The following GAL3ST2 variants were observed in gnomAD, a reference collection of about 807,000 sequenced individuals.
GAL3ST2 encodes beta-galactose-3-O-sulfotransferase 2.
In GAL3ST2, 16 loss-of-function variants were observed where a neutral mutation model predicts 12.9. The observed-to-expected ratio is 1.24, with a 90% CI of 0.84 to 1.88. GAL3ST2 has a LOEUF of 1.88. Ranked by LOEUF, GAL3ST2 falls within the 40% of genes most tolerant of loss-of-function variation. The probability of loss-of-function intolerance (pLI) is 0.00; values close to 1 mark genes in which losing one functional copy is unlikely to be tolerated. For missense variants in GAL3ST2, 639 were observed against 571.8 expected (o/e 1.12, Z -1.20); for synonymous variants, 302 against 273.9 (o/e 1.10, Z -1.01).
intron 1 of GAL3ST2, among the ~76,000 whole-genome samples, chr2:241,778,284 C>T (rs561880147): frequency 5.3e-5 from 8 of 152,320 alleles, no homozygotes; most frequent in South Asian, 4.1e-4. Flanking sequence ...ACAAAGGGGA[C>T]GGTAGTGTGT....
chr2:241,777,801 G>A lies in GAL3ST2; in HGVS notation c.29+817G>A, dbSNP rs1575359667. On this transcript the variant is annotated intron_variant, in intron 1 of 3. Coordinates refer to ENST00000192314, the MANE Select transcript of GAL3ST2 (RefSeq NM_022134.3). ...CCTGTGGACATTGTGACCATATTGT[G>A]AAGAAGAGGCCCAGGGGCTGGGGAA... Among the ~76,000 whole-genome samples the A allele has an allele frequency of 3.3e-5, 5 of 152,224 alleles. No homozygotes were observed. In the Middle Eastern group the frequency reaches 0.014, roughly 414 times the overall value.
At chr2:241,782,448 C>G (rs2125189476) in intron 1 of GAL3ST2, among the ~76,000 whole-genome samples, 1 of 152,234 alleles carries the variant, frequency 6.6e-6, no homozygotes, top group African/African-American at 2.4e-5. Flanking sequence ...GCATCAGCCT[C>G]CGGAGTAGCT....
In GAL3ST2 at chr2:241,801,716, C is replaced by A; in HGVS notation, c.120-65C>A. ...TCCTTGCGGTTGCCGGGCTGGGGGT[C>A]GCTGTTGGGCGGGGGTTGGGGCATC... On this transcript the variant is annotated intron_variant, in intron 2 of 3. Coordinates refer to ENST00000192314, the MANE Select transcript of GAL3ST2 (RefSeq NM_022134.3). This position sits in a 1 kb window ranked among gnomAD's most constrained non-coding sequence, Gnocchi z 4.4. The A allele has an allele frequency of 6.5e-7, 1 of 1,545,206 alleles. No homozygotes were observed. Among genetic ancestry groups the A allele is most frequent in the South Asian group, 1.2e-5 (1 of 82,304 alleles).
In GAL3ST2 at chr2:241,803,261, T is replaced by C. The variant is rs567996566; in HGVS notation, c.376-84T>C. 8.1e-6 allele frequency: 9 copies of C among 1,108,300 alleles called. No homozygotes were observed. In the East Asian group the frequency reaches 1.8e-4, roughly 22 times the overall value. 68.7% of individuals were successfully genotyped at this position (1,108,300 alleles called of 1,614,324 possible). On this transcript the variant is annotated intron_variant, in intron 3 of 3. Coordinates refer to ENST00000192314, the MANE Select transcript of GAL3ST2 (RefSeq NM_022134.3). ...GATGGGGGTGCTCCTTGAGCGGGTG[T>C]GGCCAGGGCGCGCCTCCTCCCCGCG...
At chr2:241,794,236 C>G (rs905026256) in intron 1 of GAL3ST2, among the ~76,000 whole-genome samples, 2 of 152,172 alleles carry the variant, frequency 1.3e-5, no homozygotes, top group African/African-American at 4.8e-5. Flanking sequence ...GTGTGAGCCA[C>G]CACACCTGGC....
At chr2:241,785,882 C>T (rs939135243) in intron 1 of GAL3ST2, among the ~76,000 whole-genome samples, 5 of 151,996 alleles carry the variant, frequency 3.3e-5, no homozygotes, top group African/African-American at 1.2e-4. Context: ...ACACACATCC[C>T]TTGGATGTTA....
chr2:241,786,562 C>T (rs892956289), intron 1 of GAL3ST2, among the ~76,000 whole-genome samples: 1 of 152,150 alleles, frequency 6.6e-6, no homozygotes, highest in African/African-American at 2.4e-5. Context: ...TGCCTTCCAT[C>T]GTCATGGAAG....
chr2:241,779,260 G>A, intron 1 of GAL3ST2, among the ~76,000 whole-genome samples: 1 of 105,558 alleles, frequency 9.5e-6, no homozygotes, highest in East Asian at 3.2e-4. Context: ...TTGAGACGGA[G>A]TCTCGCTCTC....
chr2:241,792,749 G>C (rs1283220705), intron 1 of GAL3ST2, among the ~76,000 whole-genome samples: 1 of 152,094 alleles, frequency 6.6e-6, no homozygotes, highest in Admixed American at 6.5e-5. Flanking sequence ...GAAAACGGGG[G>C]GAAATGTGAA....
chr2:241,803,589 A>G lies in GAL3ST2; in HGVS notation c.620A>G (p.Glu207Gly), dbSNP rs1219321974. ...FGFDPNAQCE[E>G]GYVRARIAEV... is the part of the protein sequence containing the mutation. ...TTCGACCCCAACGCGCAGTGCGAGG[A>G]GGGCTACGTGCGCGCGCGCATCGCC... Residue 207 changes from glutamate (E) to glycine (G), a missense_variant, in exon 4 of 4, where the codon GAG becomes GGG. Glu to Gly is a moderately conservative substitution (Grantham distance 98). Coordinates refer to ENST00000192314, the MANE Select transcript of GAL3ST2 (RefSeq NM_022134.3). The G allele has an allele frequency of 1.9e-6, 3 of 1,582,766 alleles. No homozygotes were observed. Among genetic ancestry groups the G allele is most frequent in the South Asian group, 1.1e-5 (1 of 87,738 alleles).
chr2:241,781,275 G>A (rs113308292), intron 1 of GAL3ST2, among the ~76,000 whole-genome samples: 44 of 152,170 alleles, frequency 2.9e-4, no homozygotes, highest in African/African-American at 1.0e-3. Flanking sequence ...GATTACTTTA[G>A]TCTTCTGTCA....
intron 1 of GAL3ST2, among the ~76,000 whole-genome samples, chr2:241,787,540 C>CT (rs1553615866): frequency 0.024 from 3,220 of 136,228 alleles, 108 homozygotes; most frequent in African/African-American, 0.07. Context: ...ACTTCTCCTC[C>CT]TTTTTTTTTT....
intron 1 of GAL3ST2, among the ~76,000 whole-genome samples, chr2:241,797,554 C>T (rs1699787457): frequency 6.6e-6 from 1 of 151,286 alleles, no homozygotes; most frequent in Non-Finnish European, 1.5e-5. Context: ...TGCTCAGGAA[C>T]TCTTCCTGGG....
intron 1 of GAL3ST2, among the ~76,000 whole-genome samples, chr2:241,787,115 T>C (rs1410261426): frequency 6.6e-6 from 1 of 152,184 alleles, no homozygotes; most frequent in Non-Finnish European, 1.5e-5. Context: ...AGTTGTCCCA[T>C]TTTGCTTCTA....
chr2:241,797,581 C>T (rs1699787872), intron 1 of GAL3ST2, among the ~76,000 whole-genome samples: 2 of 150,726 alleles, frequency 1.3e-5, no homozygotes, highest in Admixed American at 6.6e-5. Context: ...CCAGTGGGGC[C>T]GGGCAGAGCC....
intron 1 of GAL3ST2, among the ~76,000 whole-genome samples, chr2:241,778,946 C>T (rs1489069059): frequency 1.3e-5 from 2 of 152,220 alleles, no homozygotes; most frequent in East Asian, 3.9e-4. Flanking sequence ...GCATTTATCT[C>T]AGTGAGCAGA....
At chr2:241,780,252 G>A (rs1300978838) in intron 1 of GAL3ST2, among the ~76,000 whole-genome samples, 1 of 152,144 alleles carries the variant, frequency 6.6e-6, no homozygotes, top group East Asian at 1.9e-4. Flanking sequence ...TGGGTGTGGT[G>A]GCTCACATCT....
intron 1 of GAL3ST2, among the ~76,000 whole-genome samples, chr2:241,778,145 C>G (rs1414533786): frequency 2.6e-5 from 4 of 152,254 alleles, no homozygotes; most frequent in Non-Finnish European, 2.9e-5. Flanking sequence ...AGTCACTTCC[C>G]CACAGCCCTG....
At chr2:241,787,465 A>G (rs1699640444) in intron 1 of GAL3ST2, among the ~76,000 whole-genome samples, 1 of 149,930 alleles carries the variant, frequency 6.7e-6, no homozygotes, top group African/African-American at 2.5e-5. Context: ...GTCCGGGAGC[A>G]CCCCCTCCAG....
Sources: allele counts gnomAD v4.1 joint callset (sites outside exome capture counted in the v4.1 genomes callset), GRCh38; gene constraint gnomAD v4.1.1; non-coding constraint Gnocchi (gnomAD v3.1); transcripts MANE v1.5; gene names NCBI Gene and HGNC (gene_info 2026-07-23, HGNC 2026-07-21).